Variants in CTNND2 observed in about 807,000 individuals in gnomAD.
CTNND2 encodes the protein catenin delta 2.
A neutral mutation model predicts 144.4 loss-of-function variants in CTNND2; 22 were observed. That is an observed-to-expected ratio of 0.15 (90% CI 0.11 to 0.22). The LOEUF (loss-of-function observed/expected upper bound fraction) is 0.22, where lower values mean the gene tolerates loss of function less well. Ranked by LOEUF, CTNND2 falls within the 10% of genes least tolerant of loss-of-function variation. CTNND2 has a pLI of 1.00. For missense variants in CTNND2, 1,353 were observed against 1,618.8 expected (o/e 0.84, Z 2.82); for synonymous variants, 751 against 695.6 (o/e 1.08, Z -1.25).
intron 9 of CTNND2, among the ~76,000 whole-genome samples, chr5:11,278,136 C>T (rs1006059187): frequency 1.3e-5 from 2 of 152,124 alleles, no homozygotes; most frequent in African/African-American, 4.8e-5. Context: ...TCGTCCCTCC[C>T]CACCAGCTAT....
At chr5:11,010,286 T>C (rs1740938712) in intron 18 of CTNND2, among the ~76,000 whole-genome samples, 1 of 152,240 alleles carries the variant, frequency 6.6e-6, no homozygotes, top group Admixed American at 6.5e-5. Flanking sequence ...TTTTCATCCC[T>C]ATCTTAGATA....
chr5:11,862,525 T>C (rs1350900452), intron 1 of CTNND2, among the ~76,000 whole-genome samples: 2 of 152,212 alleles, frequency 1.3e-5, no homozygotes, highest in Non-Finnish European at 2.9e-5. Flanking sequence ...TTTAGGAAAC[T>C]AGAAAACTTG....
At chr5:11,010,586 A>G (rs1023721918) in intron 18 of CTNND2, among the ~76,000 whole-genome samples, 1 of 152,232 alleles carries the variant, frequency 6.6e-6, no homozygotes, top group African/African-American at 2.4e-5. Flanking sequence ...TAGAGTGGTC[A>G]GTCTCCCACA....
intron 12 of CTNND2, among the ~76,000 whole-genome samples, chr5:11,133,363 T>C (rs1396545868): frequency 6.6e-6 from 1 of 152,152 alleles, no homozygotes; most frequent in Non-Finnish European, 1.5e-5. Context: ...TTCTTTTTCT[T>C]TTTTTTGAGA....
chr5:11,697,300 T>A (rs1313426515), intron 2 of CTNND2, among the ~76,000 whole-genome samples: 1 of 152,180 alleles, frequency 6.6e-6, no homozygotes, highest in Non-Finnish European at 1.5e-5. Context: ...CTTAACAGTA[T>A]ATAAAAGTTG....
intron 13 of CTNND2, among the ~76,000 whole-genome samples, chr5:11,113,541 A>T (rs1293593076): frequency 6.6e-6 from 1 of 152,236 alleles, no homozygotes; most frequent in Non-Finnish European, 1.5e-5. Context: ...TTTTGACTAC[A>T]GGAACCATGG....
At chr5:11,216,954 G>A (rs150600430) in intron 10 of CTNND2, among the ~76,000 whole-genome samples, 1 of 152,288 alleles carries the variant, frequency 6.6e-6, no homozygotes, top group Non-Finnish European at 1.5e-5. Flanking sequence ...ACTGAAGGAG[G>A]TGGATCTATA....
chr5:11,857,705 G>A (rs907753766), intron 1 of CTNND2, among the ~76,000 whole-genome samples: 1 of 152,158 alleles, frequency 6.6e-6, no homozygotes, highest in African/African-American at 2.4e-5. Context: ...AGCTACAAAT[G>A]TGCATATTGG....
intron 9 of CTNND2, among the ~76,000 whole-genome samples, chr5:11,250,561 A>T (rs1435557942): frequency 7.3e-6 from 1 of 136,688 alleles, no homozygotes; most frequent in Non-Finnish European, 1.5e-5. Context: ...TCTGTTGCCT[A>T]GGTTGGGGTG....
chr5:11,792,355 C>T (rs1159716607), intron 1 of CTNND2, among the ~76,000 whole-genome samples: 2 of 152,084 alleles, frequency 1.3e-5, no homozygotes, highest in African/African-American at 4.8e-5. Context: ...CACAAAAATC[C>T]ATCATTAATG....
chr5:11,655,888 A>G (rs1241858068), intron 2 of CTNND2, among the ~76,000 whole-genome samples: 3 of 152,012 alleles, frequency 2.0e-5, no homozygotes, highest in Non-Finnish European at 2.9e-5. Flanking sequence ...TTTTCTTTCA[A>G]TGATGACACA....
intron 1 of CTNND2, among the ~76,000 whole-genome samples, chr5:11,864,905 T>G (rs1423631936): frequency 3.6e-5 from 5 of 138,624 alleles, no homozygotes; most frequent in African/African-American, 5.8e-5. Flanking sequence ...TTTTTTTTTT[T>G]TTTTTTGCGA....
At chr5:11,381,133 A>G (rs1451764374) in intron 7 of CTNND2, among the ~76,000 whole-genome samples, 3 of 152,146 alleles carry the variant, frequency 2.0e-5, no homozygotes, top group African/African-American at 7.2e-5. Context: ...TATATACATC[A>G]AGAACTATAA....
At chr5:11,824,662 T>C (rs1793507243) in intron 1 of CTNND2, among the ~76,000 whole-genome samples, 1 of 152,196 alleles carries the variant, frequency 6.6e-6, no homozygotes, top group African/African-American at 2.4e-5. Flanking sequence ...GACGAGGTCC[T>C]AAACCCTAGA....
At chr5:11,033,182 G>T (rs1192440547) in intron 16 of CTNND2, among the ~76,000 whole-genome samples, 2 of 152,146 alleles carry the variant, frequency 1.3e-5, no homozygotes, top group African/African-American at 4.8e-5. Context: ...TGACAAAAAG[G>T]TGTTAATAAA....
At chr5:11,826,240 T>G (rs1793591911) in intron 1 of CTNND2, among the ~76,000 whole-genome samples, 1 of 152,090 alleles carries the variant, frequency 6.6e-6, no homozygotes, top group African/African-American at 2.4e-5. Flanking sequence ...CTATTGTAAC[T>G]TCCTTACAAT....
At chr5:11,444,548 A>G (rs1764635996) in intron 3 of CTNND2, among the ~76,000 whole-genome samples, 1 of 152,122 alleles carries the variant, frequency 6.6e-6, no homozygotes, top group Non-Finnish European at 1.5e-5. Context: ...CTAAAAATAC[A>G]AAAATTAGCT....
intron 11 of CTNND2, among the ~76,000 whole-genome samples, chr5:11,192,725 C>T (rs1736425902): frequency 1.3e-5 from 2 of 152,144 alleles, no homozygotes; most frequent in African/African-American, 2.4e-5. Flanking sequence ...GTCCTGAAAG[C>T]AACACAGCCC....
At chr5:11,846,345 G>C (rs1479495359) in intron 1 of CTNND2, among the ~76,000 whole-genome samples, 1 of 152,032 alleles carries the variant, frequency 6.6e-6, no homozygotes, top group East Asian at 1.9e-4. Context: ...AGATGGCAAA[G>C]GTGCTGTGTT....
Sources: allele counts gnomAD v4.1 joint callset (sites outside exome capture counted in the v4.1 genomes callset), GRCh38; gene constraint gnomAD v4.1.1; transcripts MANE v1.5; gene names NCBI Gene and HGNC (gene_info 2026-07-23, HGNC 2026-07-21).